The following PRR36 variants were observed in gnomAD, a reference collection of about 807,000 sequenced individuals.
PRR36 encodes the protein proline rich 36.
In PRR36, 30 loss-of-function variants were observed where a neutral mutation model predicts 58.6. The ratio of observed to expected loss-of-function variants is 0.51; its 90% CI spans 0.38 to 0.69. The LOEUF is 0.69. Among genes scored for constraint, PRR36 ranks in the 30% least tolerant of loss-of-function variants. The pLI is 0.00. For synonymous variants in PRR36, 771 were observed against 829.3 expected, an observed-to-expected ratio of 0.93 and a Z score of 1.21; for missense variants, 1,692 against 1,805.6, an observed-to-expected ratio of 0.94 and a Z score of 1.14.
Position 7,870,167 on chromosome 19 carries a change from G to C in PRR36, c.3077C>G (p.Pro1026Arg). The change falls in exon 5 of 6, where the codon CCT (proline) becomes CGT (arginine). Residue 1026 changes from proline to arginine, a missense_variant. Transcript: ENST00000618550. ...AGGGGCCTGCCCAGGGAATGAGGCA[G>C]GCGGAGAGGGAAGGGCCTGCAGAGG... Reference protein sequence around the residue: ...TPPLQALPSPPASFPGQAPFS... With the variant: ...TPPLQALPSPRASFPGQAPFS... 7.0e-7 allele frequency: 1 copy of C among 1,430,294 alleles called. No individual in the cohort carries two copies. The highest frequency in any genetic ancestry group is 9.1e-7 in the Non-Finnish European group (1 of 1,098,228). 88.6% of individuals were successfully genotyped at this position (1,430,294 alleles called of 1,614,324 possible).
At chr19:7,869,658 G>T in intron 5 of PRR36, 57 bp downstream of exon 5, 1 of 1,390,710 alleles carries the variant, frequency 7.2e-7, no homozygotes, top group Admixed American at 3.1e-5. Flanking sequence ...CCCCTGAGCT[G>T]CGAAGCCTCG....
rs1599587658 is a variant in PRR36 at position 7,870,001 on chromosome 19, C to A, written c.3243G>T (p.Pro1081=). The A allele has an allele frequency of 2.5e-5, 33 of 1,336,014 alleles. No individual in the cohort carries two copies. Among genetic ancestry groups the A allele is most frequent in the Admixed American group, 3.5e-5 (1 of 28,380 alleles). The allele number at this position is 1,336,014 out of a possible 1,614,324, so 82.8% of individuals were successfully genotyped here. The part of the protein sequence containing the change: ...SPTLQAPRRP[P]TPGPDTSVSG... ...AGACGGAGGTATCCGGACCCGGGGT[C>A]GGGGGGCGGCGTGGGGCCTGCAGGG... Residue 1081 remains proline (P), a synonymous_variant, in exon 5 of 6, where the codon CCG becomes CCT. Transcript: ENST00000618550.
rs1363724961 is a variant in PRR36 at position 7,872,115 on chromosome 19, GAGA to G, written c.1126_1128del (p.Ser376del). 9.8e-6 allele frequency: 15 copies of G among 1,528,050 alleles called. No homozygotes were observed. The highest frequency in any genetic ancestry group is 6.0e-5 in the South Asian group (5 of 82,750). 94.7% of individuals were successfully genotyped at this position (1,528,050 alleles called of 1,614,324 possible). ...GTCTGCAGAGAAGGTGGAGCAGAGG[GAGA>G]AGGAGGGGCTAGAGGAAGGGGCGTG... On this transcript the variant is annotated inframe_deletion, in exon 5 of 6. Transcript: ENST00000618550. This position sits in a 1 kb window ranked among gnomAD's most constrained non-coding sequence, Gnocchi z 6.1.
chr19:7,874,047 G>A lies in PRR36; in HGVS notation c.-8+239C>T, dbSNP rs1980592999. On this transcript the variant is annotated intron_variant, in intron 1 of 5. Coordinates refer to ENST00000618550, the MANE Select transcript of PRR36 (RefSeq NM_001190467.2). This position sits in a 1 kb window ranked among gnomAD's most constrained non-coding sequence, Gnocchi z 6.0. The stretch of plus-strand genomic sequence containing the variant: ...CCGCCAGCCTCGAGAGCGGGGGACT[G>A]CCACGGGCTCAGGATGTCGCATCCC... Among the ~76,000 whole-genome samples the A allele has an allele frequency of 6.6e-6, 1 of 152,072 alleles. No individual in the cohort carries two copies. The highest frequency in any genetic ancestry group is 2.1e-4 in the South Asian group (1 of 4,822).
rs369325616 is a variant in PRR36, at chr19:7,869,707, C to G, written c.3529+8G>C. ...CCACAGCCAGGCCGGGTCTGGGGTGCCCCTTACCTGGGGCTCCGCGGAAAG... is the reference window on the plus strand; with the variant it reads ...CCACAGCCAGGCCGGGTCTGGGGTGGCCCTTACCTGGGGCTCCGCGGAAAG... On this transcript the variant is annotated splice_region_variant and intron_variant, in intron 5 of 5. Coordinates refer to ENST00000618550, the MANE Select transcript of PRR36 (RefSeq NM_001190467.2). The G allele has an allele frequency of 4.5e-6, 6 of 1,343,372 alleles. No individual in the cohort carries two copies. The highest frequency in any genetic ancestry group is 3.1e-5 in the African/African-American group (2 of 65,092). The allele number at this position is 1,343,372 out of a possible 1,614,324, so 83.2% of individuals were successfully genotyped here. A position where few individuals can be genotyped will look rare whatever the true frequency, so the allele number is the denominator to read the frequency against.
chr19:7,868,997 A>G lies in PRR36; in HGVS notation c.*36T>C. 6.8e-7 allele frequency: 1 copy of G among 1,472,216 alleles called. No individual in the cohort carries two copies. Among genetic ancestry groups the G allele is most frequent in the South Asian group, 1.3e-5 (1 of 75,914 alleles). The allele number at this position is 1,472,216 out of a possible 1,614,324, so 91.2% of individuals were successfully genotyped here. On this transcript the variant is annotated 3_prime_UTR_variant, in exon 6 of 6. Coordinates refer to ENST00000618550, the MANE Select transcript of PRR36 (RefSeq NM_001190467.2). ...TACCCGGAGGGGCGGATCCTAAGGC[A>G]GGGGTGGGGTGTAGCAGGCGGGGCT...
chr19:7,872,173 G>C lies in PRR36; in HGVS notation c.1071C>G (p.Pro357=), dbSNP rs1203136141. The change falls in exon 5 of 6, where the codon CCC becomes CCG. Residue 357 remains proline (P), a synonymous_variant. Transcript: ENST00000618550. The surrounding 1 kb of genome is among the most constrained non-coding windows in gnomAD (Gnocchi z 6.1). The part of the protein sequence containing the change: ...SQAPPTLPAT[P]HSSSLTCQLA... ...ACTGACAGGTAAGGCTCGACGAGTGGGGCGTGGCCGGCAGGGTGGGCGGGG... is the reference window on the plus strand; with the variant it reads ...ACTGACAGGTAAGGCTCGACGAGTGCGGCGTGGCCGGCAGGGTGGGCGGGG... 6.8e-7 allele frequency: 1 copy of C among 1,472,328 alleles called. No homozygotes were observed. Among genetic ancestry groups the C allele is most frequent in the Non-Finnish European group, 9.0e-7 (1 of 1,114,430 alleles). The allele number at this position is 1,472,328 out of a possible 1,614,324, so 91.2% of individuals were successfully genotyped here.
Position 7,871,865 on chromosome 19 carries a change from G to A in PRR36, c.1379C>T (p.Ala460Val), listed in dbSNP as rs765518715. Reference sequence around the variant, plus strand: ...AACAGGGCCTTGTAGAGGAGACATGGCTGACAGAGGAGGTGTGGCCAAGGG... The same window carrying A: ...AACAGGGCCTTGTAGAGGAGACATGACTGACAGAGGAGGTGTGGCCAAGGG... ...LSPLATPPLSAMSPLQGPVSP... is the reference protein window; with the variant it reads ...LSPLATPPLSVMSPLQGPVSP... Residue 460 changes from alanine to valine, a missense_variant, in exon 5 of 6, where the codon GCC becomes GTC. Transcript: ENST00000618550. 452 of 1,535,988 alleles carry A rather than the reference G, an allele frequency of 2.9e-4. No individual in the cohort carries two copies. Among genetic ancestry groups the A allele is most frequent in the Admixed American group, 1.6e-3 (80 of 50,980 alleles).
rs1980430987 is a variant in PRR36, at chr19:7,871,297, A to C, written c.1947T>G (p.Thr649=). ...SLISPSRPAS[T]PPDSPPLQAP... ...CCTGCAGAGGGGGTGAATCAGGGGG[A>C]GTAGAGGCCGGCCGAGAAGGTGAGA... The change falls in exon 5 of 6, where the codon ACT becomes ACG. Residue 649 remains threonine, a synonymous_variant. Transcript: ENST00000618550. 6.6e-7 allele frequency: 1 copy of C among 1,523,426 alleles called. No homozygotes were observed. The highest frequency in any genetic ancestry group is 1.2e-5 in the South Asian group (1 of 83,126). The allele number at this position is 1,523,426 out of a possible 1,614,324, so 94.4% of individuals were successfully genotyped here.
rs1201185746 is a variant in PRR36, at chr19:7,870,200, G to A, written c.3044C>T (p.Ala1015Val). Residue 1015 changes from alanine (A) to valine (V), a missense_variant, in exon 5 of 6, where the codon GCC becomes GTC. This residue lies in a region of PRR36 where 485 missense variants were observed against 549.2 expected (regional missense o/e 0.88). Transcript: ENST00000618550. Reference sequence around the variant, plus strand: ...GGGAAGGGCCTGCAGAGGAGGTGTGGCCAGAGCAGGTGGGGCCTGTGGAGG... The same window carrying A: ...GGGAAGGGCCTGCAGAGGAGGTGTGACCAGAGCAGGTGGGGCCTGTGGAGG... ...KPPPQAPPAL[A>V]TPPLQALPSP... The A allele has an allele frequency of 9.1e-6, 13 of 1,428,016 alleles. No homozygotes were observed. The highest frequency in any genetic ancestry group is 2.9e-5 in the East Asian group (1 of 35,020). 88.5% of individuals were successfully genotyped at this position (1,428,016 alleles called of 1,614,324 possible). A position where few individuals can be genotyped will look rare whatever the true frequency, so the allele number is the denominator to read the frequency against.
chr19:7,870,923 GGAGCAGAAGC>G lies in PRR36; in HGVS notation c.2311_2320del (p.Ala771ProfsTer2). 9.3e-6 allele frequency: 13 copies of G among 1,397,624 alleles called. No individual in the cohort carries two copies. Among genetic ancestry groups the G allele is most frequent in the Admixed American group, 6.0e-5 (2 of 33,428 alleles). The allele number at this position is 1,397,624 out of a possible 1,614,324, so 86.6% of individuals were successfully genotyped here. The stretch of plus-strand genomic sequence containing the variant: ...AGTCTCCAGATGGGGTGTGGTCAGG[GGAGCAGAAGC>G]TGTCTGCAGAGGAGGCGGGGCTAGA... On this transcript the variant is annotated frameshift_variant, in exon 5 of 6. Transcript: ENST00000618550. LOFTEE classifies it high-confidence loss of function.
In PRR36 at chr19:7,873,131, TA is replaced by T; in HGVS notation, c.374+65del. On this transcript the variant is annotated intron_variant, in intron 3 of 5. Coordinates refer to ENST00000618550, the MANE Select transcript of PRR36 (RefSeq NM_001190467.2). The surrounding 1 kb of genome is among the most constrained non-coding windows in gnomAD (Gnocchi z 5.0). ...CTCCCGCGCCCCAACTCGTGTAAAA[TA>T]AAAGGTTCCAGACTCTGTGACGCTA... The T allele has an allele frequency of 6.8e-7, 1 of 1,481,332 alleles. No individual in the cohort carries two copies. The highest frequency in any genetic ancestry group is 2.0e-5 in the Admixed American group (1 of 49,816). 91.8% of individuals were successfully genotyped at this position (1,481,332 alleles called of 1,614,324 possible).
Position 7,873,084 on chromosome 19 carries a change from T to G in PRR36, c.374+113A>C. 1 of 1,310,828 alleles carries G rather than the reference T, an allele frequency of 7.6e-7. No homozygotes were observed. Among genetic ancestry groups the G allele is most frequent in the East Asian group, 2.5e-5 (1 of 39,832 alleles). 81.2% of individuals were successfully genotyped at this position (1,310,828 alleles called of 1,614,324 possible). The stretch of plus-strand genomic sequence containing the variant: ...GACCAATAATGGCTTTCACCCAATT[T>G]GTGCCCAGTGACCTGCAAGTGCTCC... On this transcript the variant is annotated intron_variant, in intron 3 of 5. Coordinates refer to ENST00000618550, the MANE Select transcript of PRR36 (RefSeq NM_001190467.2). The surrounding 1 kb of genome is among the most constrained non-coding windows in gnomAD (Gnocchi z 5.0).
chr19:7,869,710 C>T lies in PRR36; in HGVS notation c.3529+5G>A. On this transcript the variant is annotated splice_donor_5th_base_variant and intron_variant, in intron 5 of 5. Transcript: ENST00000618550. ...CAGCCAGGCCGGGTCTGGGGTGCCC[C>T]TTACCTGGGGCTCCGCGGAAAGCCA... 1 of 1,348,994 alleles carries T rather than the reference C, an allele frequency of 7.4e-7. No individual in the cohort carries two copies. Among genetic ancestry groups the T allele is most frequent in the Non-Finnish European group, 9.5e-7 (1 of 1,054,868 alleles). The allele number at this position is 1,348,994 out of a possible 1,614,324, so 83.6% of individuals were successfully genotyped here. A position where few individuals can be genotyped will look rare whatever the true frequency, so the allele number is the denominator to read the frequency against.
At position 7,870,788 on chromosome 19, in the gene PRR36, G is replaced by C; in HGVS notation, c.2456C>G (p.Ala819Gly). 7.0e-7 allele frequency: 1 copy of C among 1,438,176 alleles called. No homozygotes were observed. The highest frequency in any genetic ancestry group is 9.1e-7 in the Non-Finnish European group (1 of 1,103,288). 89.1% of individuals were successfully genotyped at this position (1,438,176 alleles called of 1,614,324 possible). A position where few individuals can be genotyped will look rare whatever the true frequency, so the allele number is the denominator to read the frequency against. Residue 819 changes from alanine (A) to glycine (G), a missense_variant, in exon 5 of 6, where the codon GCT (alanine) becomes GGT (glycine). By Grantham distance (60) the Ala-to-Gly change is moderately conservative. Transcript: ENST00000618550. Reference protein sequence around the residue: ...IATPPPQAPPALASPPLQGLP... With the variant: ...IATPPPQAPPGLASPPLQGLP... ...GCCCTGCAAAGGGGGTGAGGCCAGA[G>C]CAGGTGGGGCCTGTGGAGGAGGCGT...
chr19:7,869,375 C>T lies in PRR36; in HGVS notation c.3699G>A (p.Gly1233=), dbSNP rs1239825105. The change falls in exon 6 of 6, where the codon GGG becomes GGA. Residue 1233 remains glycine, a synonymous_variant. Coordinates refer to ENST00000618550, the MANE Select transcript of PRR36 (RefSeq NM_001190467.2). ...CCTGCTTCGGGCTCCGCGAGGACGCCCCGGCCCCGGCCCCAGCCGCCGCCT... is the reference window on the plus strand; with the variant it reads ...CCTGCTTCGGGCTCCGCGAGGACGCTCCGGCCCCGGCCCCAGCCGCCGCCT... The part of the protein sequence containing the change: ...GGKAAAGAGA[G]ASSRSPKQAR... 1 of 1,455,628 alleles carries T rather than the reference C, an allele frequency of 6.9e-7. No homozygotes were observed. Among genetic ancestry groups the T allele is most frequent in the Non-Finnish European group, 9.0e-7 (1 of 1,113,658 alleles). 90.2% of individuals were successfully genotyped at this position (1,455,628 alleles called of 1,614,324 possible). A position where few individuals can be genotyped will look rare whatever the true frequency, so the allele number is the denominator to read the frequency against.
In PRR36 at chr19:7,869,358, G is replaced by C. The variant is rs569642414; in HGVS notation, c.3716C>G (p.Pro1239Arg). The C allele has an allele frequency of 2.0e-5, 28 of 1,431,756 alleles. No individual in the cohort carries two copies. The East Asian group carries it at 8.3e-4, about 43-fold the overall frequency. The allele number at this position is 1,431,756 out of a possible 1,614,324, so 88.7% of individuals were successfully genotyped here. ...GAGAGASSRS[P>R]KQARLGELPL... ...CAGCTCGCCCAGGCGCGCCTGCTTC[G>C]GGCTCCGCGAGGACGCCCCGGCCCC... Residue 1239 changes from proline (P) to arginine (R), a missense_variant, in exon 6 of 6, where the codon CCG becomes CGG. Coordinates refer to ENST00000618550, the MANE Select transcript of PRR36 (RefSeq NM_001190467.2).
At position 7,873,660 on chromosome 19, in the gene PRR36, T is replaced by C. The variant is rs1980576696; in HGVS notation, c.30A>G (p.Ala10=). The C allele has an allele frequency of 1.3e-6, 2 of 1,535,086 alleles. No homozygotes were observed. The highest frequency in any genetic ancestry group is 2.4e-5 in the South Asian group (2 of 84,032). Reference sequence around the variant, plus strand: ...CAGCCGGCGTCCGCGCGGCGGCCCCTGCCTTCGCCTTGTCTCTCTTGTTGT... The same window carrying C: ...CAGCCGGCGTCCGCGCGGCGGCCCCCGCCTTCGCCTTGTCTCTCTTGTTGT... MDNKRDKAK[A]GAAARTPAAR... is the part of the protein sequence containing the mutation. The change falls in exon 2 of 6, where the codon GCA becomes GCG. Residue 10 remains alanine (A), a synonymous_variant. Coordinates refer to ENST00000618550, the MANE Select transcript of PRR36 (RefSeq NM_001190467.2). The surrounding 1 kb of genome is among the most constrained non-coding windows in gnomAD (Gnocchi z 5.0).
rs1429276055 is a variant in PRR36, at chr19:7,873,528, C to G, written c.162G>C (p.Gly54=). 15 of 1,535,264 alleles carry G rather than the reference C, an allele frequency of 9.8e-6. No homozygotes were observed. The highest frequency in any genetic ancestry group is 1.3e-5 in the Non-Finnish European group (15 of 1,146,784). The change falls in exon 2 of 6, where the codon GGG becomes GGC. Residue 54 remains glycine, a synonymous_variant. Transcript: ENST00000618550. The surrounding 1 kb of genome is among the most constrained non-coding windows in gnomAD (Gnocchi z 5.0). ...CCGCTCGCTCTGCCAGAGGCTTTCG[C>G]CCCACTGCTCCCGCAGCTCCCAGAA... The part of the protein sequence containing the change: ...LRVLGAAGAV[G]RKPLAERAGG...
Sources: gnomAD v4.1 joint callset for allele counts (sites outside exome capture counted in the v4.1 genomes callset) on GRCh38, gnomAD v4.1.1 for gene constraint, gnomAD v4.1.1 regional missense constraint, Gnocchi (gnomAD v3.1) non-coding constraint, MANE v1.5 for transcripts, NCBI Gene and HGNC (gene_info 2026-07-23, HGNC 2026-07-21) for gene names.